RAD51B: variants seen among roughly 807,000 people sequenced by gnomAD.
RAD51B encodes the protein RAD51 paralog B, also known as DNA repair protein RAD51 homolog 2.
RAD51B carries 38 observed loss-of-function variants against 42.2 expected under a neutral mutation model. The ratio of observed to expected loss-of-function variants is 0.90; its 90% confidence interval spans 0.70 to 1.18. The LOEUF (loss-of-function observed/expected upper bound fraction) is 1.18, where lower values mean the gene tolerates loss of function less well. Among genes scored for constraint, RAD51B ranks in the 50% most tolerant of loss-of-function variants. RAD51B has a pLI of 0.00. For synonymous variants in RAD51B, 154 were observed against 145.2 expected, an observed-to-expected ratio of 1.06 and a Z score of -0.43; for missense variants, 373 against 400.7, an observed-to-expected ratio of 0.93 and a Z score of 0.59.
At chr14:68,469,042 G>C (rs10144394) in intron 10 of RAD51B, 21,977 of 463,590 alleles carry the variant, frequency 0.047, 1,377 homozygotes, top group African/African-American at 0.21. Context: ...TTGTGGATGA[G>C]GAAGGATCTG....
chr14:68,673,408 CACAT>C lies in RAD51B; in HGVS notation c.*11+22555_*11+22558del, dbSNP rs879881965. ...ATATATACATGCACACACATACACACACATACTGTATGCAAACATGTATACATGC... is the reference window on the plus strand; with the variant it reads ...ATATATACATGCACACACATACACACACTGTATGCAAACATGTATACATGC... On this transcript the variant is annotated intron_variant, in intron 11 of 11. Coordinates refer to the RAD51B transcript ENST00000488612. Among the ~76,000 whole-genome samples, 349 of 120,122 alleles carry C rather than the reference CACAT, an allele frequency of 2.9e-3. 2 individuals carry two copies. The highest frequency in any genetic ancestry group is 4.0e-3 in the Non-Finnish European group (236 of 58,524). 78.8% of individuals were successfully genotyped at this position (120,122 alleles called of 152,430 possible).
At chr14:68,033,223 C>T (rs769244284) in intron 7 of RAD51B, among the ~76,000 whole-genome samples, 3 of 152,150 alleles carry the variant, frequency 2.0e-5, no homozygotes, top group African/African-American at 7.2e-5. Flanking sequence ...AAAAATCATC[C>T]TATATAACAT....
chr14:68,268,028 T>C (rs1401240673), intron 7 of RAD51B, among the ~76,000 whole-genome samples: 12 of 152,172 alleles, frequency 7.9e-5, no homozygotes, highest in Non-Finnish European at 1.8e-4. Flanking sequence ...CTAAATGCCA[T>C]TTTTATTAGG....
intron 8 of RAD51B, among the ~76,000 whole-genome samples, chr14:68,371,036 C>CAAAAAAAAAAA (rs75617123): frequency 1.9e-4 from 5 of 26,076 alleles, no homozygotes; most frequent in African/African-American, 2.0e-4. Context: ...GACTCTGTCT[C>CAAAAAAAAAAA]AAAAAAAAAA....
chr14:67,894,221 T>G (rs2043329736), intron 7 of RAD51B, among the ~76,000 whole-genome samples: 1 of 152,340 alleles, frequency 6.6e-6, no homozygotes, highest in South Asian at 2.1e-4. Context: ...TTTTACTAGT[T>G]ACCTCGTTCC....
At chr14:68,064,403 A>C (rs186361222) in intron 7 of RAD51B, among the ~76,000 whole-genome samples, 2 of 152,254 alleles carry the variant, frequency 1.3e-5, no homozygotes, top group African/African-American at 4.8e-5. Context: ...GACTTTTGAC[A>C]GTTTGACTAT....
chr14:67,824,170 C>T (rs969297697), intron 2 of RAD51B, among the ~76,000 whole-genome samples: 2 of 152,252 alleles, frequency 1.3e-5, no homozygotes, highest in African/African-American at 2.4e-5. Context: ...AAGCAATCCT[C>T]CAGCCTCAAC....
intron 7 of RAD51B, among the ~76,000 whole-genome samples, chr14:67,952,892 T>A (rs563491742): frequency 9.9e-5 from 15 of 152,178 alleles, no homozygotes; most frequent in African/African-American, 1.9e-4. Context: ...TTAGTTTTTT[T>A]GTTTTTTTTT....
intron 10 of RAD51B, among the ~76,000 whole-genome samples, chr14:68,581,195 G>C (rs1457367315): frequency 6.6e-6 from 1 of 152,108 alleles, no homozygotes; most frequent in Non-Finnish European, 1.5e-5. Context: ...CTTTATGATG[G>C]TGCAAAAGTG....
intron 7 of RAD51B, among the ~76,000 whole-genome samples, chr14:68,258,515 T>G (rs1010327193): frequency 2.6e-5 from 4 of 152,082 alleles, no homozygotes; most frequent in Non-Finnish European, 4.4e-5. Flanking sequence ...CAGAAACATA[T>G]CTCTTTAACT....
rs893738929 is a variant in RAD51B, at chr14:68,562,013, C to G, written c.1037-32472C>G. 1.4e-5 allele frequency: 14 copies of G among 985,398 alleles called. No individual in the cohort carries two copies. The Admixed American group carries it at 7.4e-4, about 52-fold the overall frequency. The allele number at this position is 985,398 out of a possible 1,614,324, so 61.0% of individuals were successfully genotyped here. ...TTGTCCTCAGAGCTGCTCCTGTCTG[C>G]CTCACAGCACGTCTCTGAAGCTGTC... is the stretch of plus-strand genomic sequence containing the variant. On this transcript the variant is annotated intron_variant, in intron 10 of 10. Coordinates refer to the RAD51B transcript ENST00000487270.
intron 9 of RAD51B, among the ~76,000 whole-genome samples, chr14:68,448,682 A>G (rs1410385207): frequency 6.6e-6 from 1 of 152,168 alleles, no homozygotes; most frequent in African/African-American, 2.4e-5. Flanking sequence ...TCATTTTGGC[A>G]TAGTCTGCTT....
chr14:68,379,412 G>A (rs1258958649), intron 8 of RAD51B, among the ~76,000 whole-genome samples: 1 of 152,104 alleles, frequency 6.6e-6, no homozygotes, highest in African/African-American at 2.4e-5. Flanking sequence ...GGGAGAAGGG[G>A]GTGCACTGGT....
chr14:68,146,689 A>G (rs1402679367), intron 7 of RAD51B, among the ~76,000 whole-genome samples: 1 of 152,210 alleles, frequency 6.6e-6, no homozygotes, highest in East Asian at 1.9e-4. Context: ...CCTTCATATG[A>G]AACCATTAAT....
intron 11 of RAD51B, among the ~76,000 whole-genome samples, chr14:68,673,526 G>A (rs62650187): frequency 0.59 from 88,667 of 149,514 alleles, 27,683 homozygotes; most frequent in African/African-American, 0.81. Flanking sequence ...ATATGTACGC[G>A]CACACACATA....
At chr14:68,100,688 A>G (rs1056081481) in intron 7 of RAD51B, among the ~76,000 whole-genome samples, 2 of 152,196 alleles carry the variant, frequency 1.3e-5, no homozygotes, top group Non-Finnish European at 2.9e-5. Context: ...AGGGGCTATG[A>G]ATATTGAATT....
At chr14:68,630,507 C>G (rs1196227106) in intron 10 of RAD51B, among the ~76,000 whole-genome samples, 1 of 152,194 alleles carries the variant, frequency 6.6e-6, no homozygotes, top group Admixed American at 6.5e-5. Flanking sequence ...CCCCACCCCC[C>G]ATGCACCTCC....
chr14:68,392,366 C>T lies in RAD51B; in HGVS notation c.854-19058C>T, dbSNP rs528601110. On this transcript the variant is annotated intron_variant, in intron 8 of 10. Coordinates refer to ENST00000471583, the MANE Select transcript of RAD51B (RefSeq NM_133510.4). ...AATGTAGGGGGTGCCCTGGTGAGGA[C>T]CAAGGCACAGCTCAAGATGTTGTTT... Among the ~76,000 whole-genome samples, 41 of 152,270 alleles carry T rather than the reference C, an allele frequency of 2.7e-4. 1 individual carries two copies. The highest frequency in any genetic ancestry group is 8.9e-4 in the African/African-American group (37 of 41,558).
intron 8 of RAD51B, among the ~76,000 whole-genome samples, chr14:68,394,719 G>A (rs2140026181): frequency 6.6e-6 from 1 of 152,340 alleles, no homozygotes; most frequent in South Asian, 2.1e-4. Flanking sequence ...AGTGGGTTTT[G>A]AGGGGAAGGA....
Sources: gnomAD v4.1 joint callset for allele counts (sites outside exome capture counted in the v4.1 genomes callset) on GRCh38, gnomAD v4.1.1 for gene constraint, MANE v1.5 for transcripts, NCBI Gene and HGNC (gene_info 2026-07-23, HGNC 2026-07-21) for gene names.